Variants in MRPS9 observed in about 807,000 individuals in gnomAD.
MRPS9 encodes the protein mitochondrial ribosomal protein S9, also known as small ribosomal subunit protein uS9m.
MRPS9 carries 45 observed loss-of-function variants against 59.9 expected under a neutral mutation model. The ratio of observed to expected loss-of-function variants is 0.75; its 90% CI spans 0.59 to 0.96. The LOEUF (loss-of-function observed/expected upper bound fraction) is 0.96, where lower values mean the gene tolerates loss of function less well. Among genes scored for constraint, MRPS9 ranks in the 40% least tolerant of loss-of-function variants. MRPS9 has a pLI of 0.00. For missense variants in MRPS9, 473 were observed against 481.1 expected (o/e 0.98, Z 0.16); for synonymous variants, 171 against 166.8 (o/e 1.03, Z -0.19).
intron 9 of MRPS9, 56 bp downstream of exon 9, chr2:105,093,694 C>A: frequency 1.2e-6 from 1 of 804,630 alleles, no homozygotes; most frequent in Non-Finnish European, 2.0e-6. Context: ...TATAATACAT[C>A]ATGATCATTT....
chr2:105,049,238 C>T lies in MRPS9; in HGVS notation c.203C>T (p.Thr68Ile). Residue 68 changes from threonine to isoleucine, a missense_variant, in exon 2 of 11, where the codon ACT becomes ATT. Thr to Ile is a moderately conservative substitution (Grantham distance 89, BLOSUM62 -1). Transcript: ENST00000258455. ...AACGTTCCTACCTCAAAACGTGAAACTTACACAGAGGATTTTATTAAAAAG... is the reference window on the plus strand; with the variant it reads ...AACGTTCCTACCTCAAAACGTGAAATTTACACAGAGGATTTTATTAAAAAG... ...KKNVPTSKRE[T>I]YTEDFIKKQI... The T allele has an allele frequency of 1.2e-6, 2 of 1,613,444 alleles. No individual in the cohort carries two copies. Among genetic ancestry groups the T allele is most frequent in the Non-Finnish European group, 1.7e-6 (2 of 1,179,722 alleles).
intron 4 of MRPS9, among the ~76,000 whole-genome samples, chr2:105,075,122 G>A (rs1032389341): frequency 1.3e-5 from 2 of 152,130 alleles, no homozygotes; most frequent in African/African-American, 4.8e-5. Flanking sequence ...CCTCGCATGT[G>A]CTGTTCACAA....
chr2:105,075,535 G>A (rs1680192257), intron 4 of MRPS9, among the ~76,000 whole-genome samples: 1 of 152,204 alleles, frequency 6.6e-6, no homozygotes, highest in Non-Finnish European at 1.5e-5. Flanking sequence ...TAAACTTGTA[G>A]AGCAGAAGAA....
Position 105,080,049 on chromosome 2 carries a change from A to C in MRPS9, c.476A>C (p.Tyr159Ser). The change falls in exon 5 of 11, where the codon TAT becomes TCT. Residue 159 changes from tyrosine (Y) to serine (S), a missense_variant. By Grantham distance (144) the Tyr-to-Ser change is moderately radical. Transcript: ENST00000258455. Reference sequence around the variant, plus strand: ...TTCTATACTGGCAAACAGTCATACTATTCATTAATGCATGTAAGTATATTG... The same window carrying C: ...TTCTATACTGGCAAACAGTCATACTCTTCATTAATGCATGTAAGTATATTG... ...YLFYTGKQSYYSLMHDVYGML... is the reference protein window; with the variant it reads ...YLFYTGKQSYSSLMHDVYGML... The C allele has an allele frequency of 6.2e-7, 1 of 1,604,264 alleles. No individual in the cohort carries two copies. Among genetic ancestry groups the C allele is most frequent in the Non-Finnish European group, 8.5e-7 (1 of 1,172,986 alleles).
Position 105,049,364 on chromosome 2 carries a change from C to T in MRPS9, c.315+14C>T. On this transcript the variant is annotated intron_variant, in intron 2 of 10. Transcript: ENST00000258455. Reference sequence around the variant, plus strand: ...GAAGATATTGACGTAAGTACAGTTACTCTGTTGAAAAAGTAATTGCTGTAG... The same window carrying T: ...GAAGATATTGACGTAAGTACAGTTATTCTGTTGAAAAAGTAATTGCTGTAG... 1 of 1,594,814 alleles carries T rather than the reference C, an allele frequency of 6.3e-7. No individual in the cohort carries two copies. The highest frequency in any genetic ancestry group is 8.5e-7 in the Non-Finnish European group (1 of 1,174,042).
At chr2:105,092,254 T>G in intron 7 of MRPS9, 147 bp from the exon 8 acceptor site, 1 of 581,576 alleles carries the variant, frequency 1.7e-6, no homozygotes. Context: ...CATGCTGTTT[T>G]AAAAGCAGCG....
At chr2:105,072,732 T>C (rs1195318810) in intron 4 of MRPS9, among the ~76,000 whole-genome samples, 2 of 152,210 alleles carry the variant, frequency 1.3e-5, no homozygotes, top group Non-Finnish European at 2.9e-5. Context: ...AGAAGACTTA[T>C]TTATTTTGCA....
At chr2:105,039,330 T>C (rs1651114883) in intron 1 of MRPS9, among the ~76,000 whole-genome samples, 1 of 152,026 alleles carries the variant, frequency 6.6e-6, no homozygotes, top group Non-Finnish European at 1.5e-5. Context: ...TTTTTTTTTT[T>C]TCTTACTGGA....
At chr2:105,050,901 C>A (rs1679700244) in intron 2 of MRPS9, among the ~76,000 whole-genome samples, 1 of 152,154 alleles carries the variant, frequency 6.6e-6, no homozygotes, top group Non-Finnish European at 1.5e-5. Context: ...TCATGTTTAT[C>A]TACATTGTGG....
At chr2:105,063,139 C>T (rs1300891332) in intron 2 of MRPS9, among the ~76,000 whole-genome samples, 2 of 152,130 alleles carry the variant, frequency 1.3e-5, no homozygotes. Flanking sequence ...GGTGCCGTGG[C>T]ACATGCTGTA....
At chr2:105,089,112 TAAA>T in intron 6 of MRPS9, 43 bp downstream of exon 6, 1 of 1,454,130 alleles carries the variant, frequency 6.9e-7, no homozygotes, top group Non-Finnish European at 9.6e-7. Context: ...AAATTTGAAC[TAAA>T]AACATGCCAC....
chr2:105,067,000 C>T (rs1266377538), intron 2 of MRPS9, among the ~76,000 whole-genome samples: 1 of 152,142 alleles, frequency 6.6e-6, no homozygotes, highest in Non-Finnish European at 1.5e-5. Flanking sequence ...CCTAGATTTG[C>T]CAGATTTTCA....
Position 105,092,418 on chromosome 2 carries a change from G to T in MRPS9, c.669G>T (p.Arg223=). 13 of 1,611,286 alleles carry T rather than the reference G, an allele frequency of 8.1e-6. No homozygotes were observed. The highest frequency in any genetic ancestry group is 1.1e-5 in the Non-Finnish European group (13 of 1,179,246). ...LSDLDYMQFI[R]LLEKLLTSQC... is the part of the protein sequence containing the mutation. ...GTCTGCAGTATATGCAGTTCATTCG[G>T]CTGCTAGAAAAGTTATTGACATCGC... Residue 223 remains arginine, a synonymous_variant, in exon 8 of 11, where the codon CGG becomes CGT. Transcript: ENST00000258455.
At chr2:105,069,417 G>T (rs892699902) in intron 2 of MRPS9, among the ~76,000 whole-genome samples, 2 of 152,032 alleles carry the variant, frequency 1.3e-5, no homozygotes, top group Non-Finnish European at 2.9e-5. Flanking sequence ...GTTTCACCAC[G>T]TTGGCCAGTC....
Position 105,099,725 on chromosome 2 carries a change from G to C in MRPS9, c.1155G>C (p.Glu385Asp). Residue 385 changes from glutamate (E) to aspartate (D), a missense_variant, in exon 11 of 11, where the codon GAG becomes GAC. Coordinates refer to ENST00000258455, the MANE Select transcript of MRPS9 (RefSeq NM_182640.3). ...GGGAACGGAAGAAGCCAGGCCAAGA[G>C]GGAGCCCGCAGAAAGTTTACGTGGA... ...RVRERKKPGQEGARRKFTWKK... is the reference protein window; with the variant it reads ...RVRERKKPGQDGARRKFTWKK... 6.2e-7 allele frequency: 1 copy of C among 1,614,154 alleles called. No homozygotes were observed. The highest frequency in any genetic ancestry group is 8.5e-7 in the Non-Finnish European group (1 of 1,180,042).
chr2:105,071,538 CG>C, intron 4 of MRPS9, 49 bp downstream of exon 4: 1 of 1,557,164 alleles, frequency 6.4e-7, no homozygotes, highest in African/African-American at 1.4e-5. Flanking sequence ...TACCGTATTC[CG>C]GTGTTAGGTT....
In MRPS9 at chr2:105,097,340, G is replaced by A. The variant is rs1680686777; in HGVS notation, c.1099+16G>A. Reference sequence around the variant, plus strand: ...ATGAGACAAGGTATGAGTCTAGGTGGGACGGGCATGGTGGCCCAATACTGG... The same window carrying A: ...ATGAGACAAGGTATGAGTCTAGGTGAGACGGGCATGGTGGCCCAATACTGG... On this transcript the variant is annotated intron_variant, in intron 10 of 10. Coordinates refer to ENST00000258455, the MANE Select transcript of MRPS9 (RefSeq NM_182640.3). 6.4e-7 allele frequency: 1 copy of A among 1,565,380 alleles called. No homozygotes were observed. The highest frequency in any genetic ancestry group is 8.7e-7 in the Non-Finnish European group (1 of 1,154,778).
At chr2:105,096,270 T>G (rs1427854181) in intron 9 of MRPS9, among the ~76,000 whole-genome samples, 1 of 152,172 alleles carries the variant, frequency 6.6e-6, no homozygotes, top group Non-Finnish European at 1.5e-5. Flanking sequence ...TTATATAAAC[T>G]TGATTTTGGG....
chr2:105,083,526 A>G (rs73945036), intron 5 of MRPS9, among the ~76,000 whole-genome samples: 29,658 of 152,234 alleles, frequency 0.19, 3,056 homozygotes, highest in Middle Eastern at 0.35. Context: ...ATTAAAATTC[A>G]CTAACTAAAA....
Sources: allele counts gnomAD v4.1 joint callset (sites outside exome capture counted in the v4.1 genomes callset), GRCh38; gene constraint gnomAD v4.1.1; transcripts MANE v1.5; gene names NCBI Gene and HGNC (gene_info 2026-07-23, HGNC 2026-07-21).